The following EIF4EBP1 variants were observed in gnomAD, a reference collection of about 807,000 sequenced individuals.
EIF4EBP1 encodes eukaryotic translation initiation factor 4E-binding protein 1.
Under a neutral mutation model 9.2 loss-of-function variants are expected in EIF4EBP1, and 5 were observed. That is an observed-to-expected ratio of 0.54 (90% CI 0.28 to 1.14). The LOEUF (loss-of-function observed/expected upper bound fraction) is 1.14, where lower values mean the gene tolerates loss of function less well. EIF4EBP1 is among the 50% of genes most tolerant of loss of function. EIF4EBP1 has a pLI of 0.09. For synonymous variants in EIF4EBP1, 62 were observed against 67.0 expected (o/e 0.93, Z 0.36); for missense variants, 139 against 169.6 (o/e 0.82, Z 1.00).
chr8:38,033,737 G>A (rs1051080377), intron 1 of EIF4EBP1, among the ~76,000 whole-genome samples: 1 of 132,302 alleles, frequency 7.6e-6, no homozygotes, highest in Non-Finnish European at 1.6e-5. Flanking sequence ...ACTCCAGTTT[G>A]CTTTCCTTTT....
chr8:38,048,982 G>A (rs867669069), intron 1 of EIF4EBP1, among the ~76,000 whole-genome samples: 19 of 151,248 alleles, frequency 1.3e-4, no homozygotes, highest in African/African-American at 3.4e-4. Flanking sequence ...AAAATTAGCC[G>A]GGCTTGGTGG....
chr8:38,033,585 C>T (rs1403014106), intron 1 of EIF4EBP1, among the ~76,000 whole-genome samples: 1 of 151,732 alleles, frequency 6.6e-6, no homozygotes, highest in Non-Finnish European at 1.5e-5. Flanking sequence ...TCTGCACCTG[C>T]TTACTTATAG....
intron 1 of EIF4EBP1, among the ~76,000 whole-genome samples, chr8:38,039,113 A>G (rs977898495): frequency 2.6e-5 from 4 of 151,902 alleles, no homozygotes; most frequent in African/African-American, 9.7e-5. Context: ...GCTGGTCTCG[A>G]ACTCCCAAGC....
chr8:38,044,679 A>G (rs963271673), intron 1 of EIF4EBP1, among the ~76,000 whole-genome samples: 1 of 152,200 alleles, frequency 6.6e-6, no homozygotes, highest in African/African-American at 2.4e-5. Context: ...GCCTCAAGCA[A>G]TTCTCATGCC....
intron 1 of EIF4EBP1, among the ~76,000 whole-genome samples, chr8:38,053,185 T>C (rs1271461389): frequency 1.3e-5 from 2 of 151,644 alleles, no homozygotes; most frequent in Admixed American, 1.3e-4. Flanking sequence ...GCCCAGCTAA[T>C]TTTTGTATTT....
intron 2 of EIF4EBP1, 72 bp from the exon 3 acceptor site, chr8:38,059,832 A>G: frequency 1.5e-6 from 2 of 1,292,888 alleles, no homozygotes; most frequent in Admixed American, 1.8e-5. Flanking sequence ...TCTTTATAGC[A>G]ATGAAAGAAT....
chr8:38,040,728 G>A (rs1809366242), intron 1 of EIF4EBP1, among the ~76,000 whole-genome samples: 1 of 152,172 alleles, frequency 6.6e-6, no homozygotes, highest in Admixed American at 6.6e-5. Flanking sequence ...AGTCTAGCTT[G>A]AGTTTTATTT....
intron 1 of EIF4EBP1, among the ~76,000 whole-genome samples, chr8:38,032,668 A>G (rs537280255): frequency 7.9e-5 from 12 of 152,252 alleles, no homozygotes; most frequent in African/African-American, 2.9e-4. Flanking sequence ...AGGGCATAGC[A>G]TATGTTTCTG....
At position 38,060,033 on chromosome 8, in the gene EIF4EBP1, CA is replaced by C. The variant is rs1452438375; in HGVS notation, c.*99del. ...GCCTTATGAAAGTGATCATACTGGG[CA>C]GGCGTTGGCGTGGGGTCGGACACCC... On this transcript the variant is annotated 3_prime_UTR_variant, in exon 3 of 3. Coordinates refer to ENST00000338825, the MANE Select transcript of EIF4EBP1 (RefSeq NM_004095.4). 1.2e-5 allele frequency: 15 copies of C among 1,292,930 alleles called. No homozygotes were observed. The highest frequency in any genetic ancestry group is 1.7e-5 in the Non-Finnish European group (15 of 888,650). The allele number at this position is 1,292,930 out of a possible 1,614,324, so 80.1% of individuals were successfully genotyped here.
intron 1 of EIF4EBP1, among the ~76,000 whole-genome samples, chr8:38,044,500 A>G (rs1444645863): frequency 3.9e-5 from 6 of 152,186 alleles, no homozygotes; most frequent in Admixed American, 2.6e-4. Flanking sequence ...GTACAGTAGC[A>G]TGATCCCAGC....
Position 38,049,165 on chromosome 8 carries a change from T to C in EIF4EBP1, c.146-7916T>C, listed in dbSNP as rs934986082. Among the ~76,000 whole-genome samples, 13 of 151,292 alleles carry C rather than the reference T, an allele frequency of 8.6e-5. 1 individual carries two copies. On this transcript the variant is annotated intron_variant, in intron 1 of 2. Transcript: ENST00000338825. ...GAAAAGAAAAGAAAAAAGAGAAGTATCTCTGTTATACTTTTACTTGATTTG... is the reference window on the plus strand; with the variant it reads ...GAAAAGAAAAGAAAAAAGAGAAGTACCTCTGTTATACTTTTACTTGATTTG...
In EIF4EBP1 at chr8:38,060,305, G is replaced by T; in HGVS notation, c.*370G>T. On this transcript the variant is annotated 3_prime_UTR_variant, in exon 3 of 3. Coordinates refer to ENST00000338825, the MANE Select transcript of EIF4EBP1 (RefSeq NM_004095.4). ...TCCTTAGGTTGATGTGCTTGGGAAAGCTCCCTCCCCCTCCTTCCCCAAGAG... is the reference window on the plus strand; with the variant it reads ...TCCTTAGGTTGATGTGCTTGGGAAATCTCCCTCCCCCTCCTTCCCCAAGAG... The T allele has an allele frequency of 6.1e-6, 2 of 325,560 alleles. No homozygotes were observed. The highest frequency in any genetic ancestry group is 7.0e-5 in the East Asian group (1 of 14,334). 20.2% of individuals were successfully genotyped at this position (325,560 alleles called of 1,614,324 possible).
Position 38,030,677 on chromosome 8 carries a change from G to A in EIF4EBP1, c.104G>A (p.Ser35Asn), listed in dbSNP as rs1215847141. ...DGVQLPPGDY[S>N]TTPGGTLFST... The stretch of plus-strand genomic sequence containing the variant: ...GTGCAGCTCCCGCCCGGGGACTACA[G>A]CACGACCCCCGGCGGCACGCTCTTC... The change falls in exon 1 of 3, where the codon AGC becomes AAC. Residue 35 changes from serine (S) to asparagine (N), a missense_variant. By Grantham distance (46) the Ser-to-Asn change is conservative. Transcript: ENST00000338825. 2.4e-5 allele frequency: 35 copies of A among 1,488,818 alleles called. No individual in the cohort carries two copies. The highest frequency in any genetic ancestry group is 3.1e-5 in the Non-Finnish European group (35 of 1,125,394). 92.2% of individuals were successfully genotyped at this position (1,488,818 alleles called of 1,614,324 possible).
intron 1 of EIF4EBP1, among the ~76,000 whole-genome samples, chr8:38,048,990 T>A (rs1187970124): frequency 6.6e-6 from 1 of 151,518 alleles, no homozygotes; most frequent in East Asian, 1.9e-4. Context: ...CCGGGCTTGG[T>A]GGTGCAGGCC....
intron 2 of EIF4EBP1, 23 bp downstream of exon 2, chr8:38,057,283 G>A: frequency 6.7e-7 from 1 of 1,491,186 alleles, no homozygotes; most frequent in African/African-American, 1.6e-5. Context: ...GCTTGGCCAG[G>A]CTCTACCTTG....
Position 38,057,081 on chromosome 8 carries a change from G to T in EIF4EBP1, c.146G>T (p.Gly49Val). The T allele has an allele frequency of 6.2e-7, 1 of 1,614,090 alleles. No homozygotes were observed. Among genetic ancestry groups the T allele is most frequent in the Non-Finnish European group, 8.5e-7 (1 of 1,179,988 alleles). The part of the protein sequence containing the change: ...GGTLFSTTPG[G>V]TRIIYDRKFL... ...GACCAACCTCCCTGTTCCCTTCTAG[G>T]TACCAGGATCATCTATGACCGGAAA... Residue 49 changes from glycine (G) to valine (V), a missense_variant and splice_region_variant, in exon 2 of 3, where the codon GGT becomes GTT. Physicochemically the swap from Gly to Val is moderately radical, Grantham distance 109. Coordinates refer to ENST00000338825, the MANE Select transcript of EIF4EBP1 (RefSeq NM_004095.4).
intron 1 of EIF4EBP1, among the ~76,000 whole-genome samples, chr8:38,050,101 G>A (rs1403903036): frequency 4.0e-5 from 6 of 151,588 alleles, no homozygotes; most frequent in African/African-American, 1.5e-4. Context: ...TAGTAGAGAC[G>A]GGGTTTCACC....
intron 1 of EIF4EBP1, among the ~76,000 whole-genome samples, chr8:38,031,157 T>C (rs974696268): frequency 6.6e-6 from 1 of 152,150 alleles, no homozygotes; most frequent in African/African-American, 2.4e-5. Flanking sequence ...CCTTTTTCCT[T>C]CCCGAAGCAC....
intron 1 of EIF4EBP1, among the ~76,000 whole-genome samples, chr8:38,047,642 G>A (rs1385014928): frequency 2.0e-5 from 3 of 151,938 alleles, no homozygotes; most frequent in African/African-American, 7.3e-5. Flanking sequence ...ATGCCACCAC[G>A]CCCAGCTAAT....
Sources: allele counts gnomAD v4.1 joint callset (sites outside exome capture counted in the v4.1 genomes callset), GRCh38; gene constraint gnomAD v4.1.1; transcripts MANE v1.5; gene names NCBI Gene and HGNC (gene_info 2026-07-23, HGNC 2026-07-21).